The following ERN1 variants were observed in gnomAD, a reference collection of about 807,000 sequenced individuals.
ERN1 encodes serine/threonine-protein kinase/endoribonuclease IRE1.
Under a neutral mutation model 113.1 loss-of-function variants are expected in ERN1, and 39 were observed. That is an observed-to-expected ratio of 0.34 (90% CI 0.27 to 0.45). The LOEUF is 0.45. Ranked by LOEUF, ERN1 falls within the 20% of genes least tolerant of loss-of-function variation. The probability of loss-of-function intolerance (pLI) is 1.00; values close to 1 mark genes in which losing one functional copy is unlikely to be tolerated. For missense variants in ERN1, 976 were observed against 1,274.8 expected (o/e 0.77, Z 3.57); for synonymous variants, 507 against 515.9 (o/e 0.98, Z 0.23).
Position 64,044,729 on chromosome 17 carries a change from C to A in ERN1, c.2721+131G>T, listed in dbSNP as rs561486868. The A allele has an allele frequency of 3.0e-6, 2 of 671,700 alleles. No homozygotes were observed. Among genetic ancestry groups the A allele is most frequent in the East Asian group, 5.6e-5 (2 of 35,562 alleles). 41.6% of individuals were successfully genotyped at this position (671,700 alleles called of 1,614,324 possible). On this transcript the variant is annotated intron_variant, in intron 21 of 21. Coordinates refer to ENST00000433197, the MANE Select transcript of ERN1 (RefSeq NM_001433.5). This position sits in a 1 kb window ranked among gnomAD's most constrained non-coding sequence, Gnocchi z 4.1. ...ACAGCCTGCAGTTTGCCAAGTCCAG[C>A]TGAAGCCGCCTAGCTCCTGAGAGAT...
At chr17:64,086,687 C>T (rs1352508657) in intron 2 of ERN1, among the ~76,000 whole-genome samples, 1 of 113,778 alleles carries the variant, frequency 8.8e-6, no homozygotes, top group Non-Finnish European at 1.6e-5. Context: ...CGCTCTGTCG[C>T]CCAGGCTGGA....
intron 6 of ERN1, among the ~76,000 whole-genome samples, chr17:64,070,003 C>G (rs188346112): frequency 6.6e-6 from 1 of 152,252 alleles, no homozygotes; most frequent in Admixed American, 6.5e-5. Context: ...ATCAAGAAGC[C>G]GAGTCTATAT....
At chr17:64,115,599 G>T (rs1914783601) in intron 1 of ERN1, among the ~76,000 whole-genome samples, 1 of 152,158 alleles carries the variant, frequency 6.6e-6, no homozygotes. Context: ...CCTTGCCCTA[G>T]CCTGTGTCCA....
intron 4 of ERN1, among the ~76,000 whole-genome samples, chr17:64,076,893 C>T (rs906402450): frequency 2.0e-5 from 3 of 152,230 alleles, no homozygotes; most frequent in Admixed American, 6.5e-5. Flanking sequence ...GCTGGGCATC[C>T]TCTTTAAGAA....
rs1466105795 is a variant in ERN1 at position 64,057,870 on chromosome 17, T to C, written c.1330A>G (p.Met444Val). The change falls in exon 12 of 22, where the codon ATG becomes GTG. Residue 444 changes from methionine to valine, a missense_variant. Met to Val is a conservative substitution (Grantham distance 21, BLOSUM62 1). Around this residue, in one of 5 missense-constraint regions of ERN1, gnomAD observed 459 missense variants for 581.2 expected, o/e 0.79. Coordinates refer to ENST00000433197, the MANE Select transcript of ERN1 (RefSeq NM_001433.5). Reference protein sequence around the residue: ...EAPVDSMLKDMATIILSTFLL... With the variant: ...EAPVDSMLKDVATIILSTFLL... ...AAGGTGCTCAGGATGATGGTAGCCA[T>C]GTCCTTAAGCATGGAGTCCACGGGG... The C allele has an allele frequency of 8.1e-6, 13 of 1,613,948 alleles. No individual in the cohort carries two copies. The highest frequency in any genetic ancestry group is 1.7e-5 in the Admixed American group (1 of 60,020).
At chr17:64,066,636 C>T (rs774862847) in intron 8 of ERN1, 35 bp downstream of exon 8, 9 of 1,608,694 alleles carry the variant, frequency 5.6e-6, no homozygotes, top group East Asian at 2.2e-5. Context: ...ACGAAGGCCA[C>T]GGCCGCCCTC....
chr17:64,055,042 C>T (rs541068919), intron 13 of ERN1, among the ~76,000 whole-genome samples: 2 of 152,340 alleles, frequency 1.3e-5, no homozygotes, highest in South Asian at 4.1e-4. Context: ...CTGTCTCCGC[C>T]TTTACCTTAT....
At chr17:64,129,846 G>C in intron 1 of ERN1, 130 bp downstream of exon 1, 1 of 836,980 alleles carries the variant, frequency 1.2e-6, no homozygotes, top group South Asian at 3.8e-5. Context: ...CCCACGGCTG[G>C]GCTCACGGGG....
chr17:64,057,930 C>T lies in ERN1; in HGVS notation c.1270G>A (p.Glu424Lys). 6.2e-7 allele frequency: 1 copy of T among 1,609,526 alleles called. No homozygotes were observed. The highest frequency in any genetic ancestry group is 8.5e-7 in the Non-Finnish European group (1 of 1,177,978). The change falls in exon 12 of 22, where the codon GAG (glutamate) becomes AAG (lysine). Residue 424 changes from glutamate (E) to lysine (K), a missense_variant. Physicochemically the swap from Glu to Lys is moderately conservative, Grantham distance 56 (BLOSUM62 1). This residue lies in a region of ERN1 where 459 missense variants were observed against 581.2 expected (regional missense o/e 0.79). Coordinates refer to ENST00000433197, the MANE Select transcript of ERN1 (RefSeq NM_001433.5). ...CGGGCAGGGGCATGGGCGGGCTTCT[C>T]CTCCACATCCCGAGACACGGTGGTA... is the stretch of plus-strand genomic sequence containing the variant. Reference protein sequence around the residue: ...APTTVSRDVEEKPAHAPARPE... With the variant: ...APTTVSRDVEKKPAHAPARPE...
At position 64,066,782 on chromosome 17, in the gene ERN1, T is replaced by C. The variant is rs1397145500; in HGVS notation, c.731A>G (p.Asn244Ser). ...ATAGCGCAGGGTCTCCACAGCGACA[T>C]TGATGTGCATCACCTTCCTCAGACC... ...REGLRKVMHI[N>S]VAVETLRYLT... Residue 244 changes from asparagine (N) to serine (S), a missense_variant, in exon 8 of 22, where the codon AAT (asparagine) becomes AGT (serine). By Grantham distance (46) the Asn-to-Ser change is conservative. Coordinates refer to ENST00000433197, the MANE Select transcript of ERN1 (RefSeq NM_001433.5). The C allele has an allele frequency of 1.4e-5, 23 of 1,613,820 alleles. No homozygotes were observed. The highest frequency in any genetic ancestry group is 6.7e-5 in the East Asian group (3 of 44,878).
At chr17:64,114,510 TTG>T (rs1914754955) in intron 1 of ERN1, among the ~76,000 whole-genome samples, 1 of 152,184 alleles carries the variant, frequency 6.6e-6, no homozygotes, top group African/African-American at 2.4e-5. Context: ...AGAGAATTTG[TTG>T]TGTTTGAGGA....
intron 1 of ERN1, among the ~76,000 whole-genome samples, chr17:64,124,507 G>T (rs1915030166): frequency 6.6e-6 from 1 of 152,152 alleles, no homozygotes; most frequent in South Asian, 2.1e-4. Context: ...TTGTGATAGT[G>T]AATAAGTCTC....
chr17:64,049,299 T>A lies in ERN1; in HGVS notation c.2254-97A>T. On this transcript the variant is annotated intron_variant, in intron 17 of 21. Transcript: ENST00000433197. This position sits in a 1 kb window ranked among gnomAD's most constrained non-coding sequence, Gnocchi z 4.7. ...GAGCATTGCTGCTGCTTCTGCCACC[T>A]AGAAGGTGTCCTGGGAGAATCAGCT... 1 of 1,282,340 alleles carries A rather than the reference T, an allele frequency of 7.8e-7. No homozygotes were observed. Among genetic ancestry groups the A allele is most frequent in the Non-Finnish European group, 1.1e-6 (1 of 946,448 alleles). The allele number at this position is 1,282,340 out of a possible 1,614,324, so 79.4% of individuals were successfully genotyped here. A position where few individuals can be genotyped will look rare whatever the true frequency, so the allele number is the denominator to read the frequency against.
At chr17:64,121,955 G>A (rs1914967046) in intron 1 of ERN1, among the ~76,000 whole-genome samples, 2 of 152,122 alleles carry the variant, frequency 1.3e-5, no homozygotes, top group African/African-American at 4.8e-5. Context: ...TCTTAACGGA[G>A]GAAAAATAAC....
chr17:64,080,921 T>G (rs1311932314), intron 2 of ERN1, 113 bp from the exon 3 acceptor site: 22 of 956,528 alleles, frequency 2.3e-5, no homozygotes, highest in Non-Finnish European at 3.4e-5. Context: ...TCCCTCCTGT[T>G]AACCTACATG....
intron 1 of ERN1, among the ~76,000 whole-genome samples, chr17:64,117,442 CA>C (rs147403522): frequency 5.6e-5 from 8 of 143,806 alleles, no homozygotes; most frequent in Non-Finnish European, 1.1e-4. Flanking sequence ...GACTCTATCT[CA>C]AAAAAAAAGA....
chr17:64,099,302 C>A (rs999888023), intron 1 of ERN1, among the ~76,000 whole-genome samples: 1 of 149,866 alleles, frequency 6.7e-6, no homozygotes, highest in Non-Finnish European at 1.5e-5. Context: ...TGCCTGTCTT[C>A]TGGCTTTGCT....
intron 2 of ERN1, among the ~76,000 whole-genome samples, chr17:64,082,291 C>T (rs528435448): frequency 6.6e-6 from 1 of 152,228 alleles, no homozygotes; most frequent in East Asian, 1.9e-4. Flanking sequence ...AGTCAGTAAG[C>T]ACATGTTTAT....
chr17:64,071,271 G>A (rs1007797571), intron 6 of ERN1, among the ~76,000 whole-genome samples: 16 of 152,192 alleles, frequency 1.1e-4, no homozygotes, highest in African/African-American at 3.9e-4. Flanking sequence ...CACAGAGAAG[G>A]TGACTTTTGA....
Sources: allele counts gnomAD v4.1 joint callset (sites outside exome capture counted in the v4.1 genomes callset), GRCh38; gene constraint gnomAD v4.1.1; regional missense constraint gnomAD v4.1.1; non-coding constraint Gnocchi (gnomAD v3.1); transcripts MANE v1.5; gene names NCBI Gene and HGNC (gene_info 2026-07-23, HGNC 2026-07-21).